SLC35E2B: variants seen among roughly 807,000 people sequenced by gnomAD.
SLC35E2B encodes solute carrier family 35, member E2B.
A neutral mutation model predicts 32.4 loss-of-function variants in SLC35E2B; 18 were observed. That is an observed-to-expected ratio of 0.56 (90% CI 0.38 to 0.82). SLC35E2B has a LOEUF of 0.82. Among genes scored for constraint, SLC35E2B ranks in the 40% least tolerant of loss-of-function variants. SLC35E2B has a pLI of 0.00. For missense variants in SLC35E2B, 263 were observed against 469.5 expected (o/e 0.56, Z 4.06); for synonymous variants, 132 against 209.1 (o/e 0.63, Z 3.18).
Position 1,685,429 on chromosome 1 carries a change from AAAAG to A in SLC35E2B, c.-148+5543_-148+5546del, listed in dbSNP as rs1415154628. On this transcript the variant is annotated intron_variant, in intron 2 of 9. Coordinates refer to ENST00000617444, the MANE Select transcript of SLC35E2B (RefSeq NM_001290264.2). ...CGTTTTCTCAGAAAAAAAAAAAAAA[AAAAG>A]AAAAGGAAAAAGAAATACAGGAAGG... Among the ~76,000 whole-genome samples the A allele has an allele frequency of 4.1e-4, 62 of 151,396 alleles. 1 individual carries two copies. Among genetic ancestry groups the A allele is most frequent in the African/African-American group, 1.5e-3 (60 of 41,216 alleles).
chr1:1,669,563 C>G, intron 8 of SLC35E2B, 101 bp downstream of exon 8: 1 of 1,274,706 alleles, frequency 7.8e-7, no homozygotes, highest in Non-Finnish European at 1.1e-6. Flanking sequence ...CTGGGCCCAA[C>G]CAGCCAGCAC....
chr1:1,670,419 A>C, intron 6 of SLC35E2B: 2 of 310,568 alleles, frequency 6.4e-6, no homozygotes, highest in Non-Finnish European at 1.2e-5. Flanking sequence ...ACCACGCCCA[A>C]CAGATTTTTT....
Position 1,664,495 on chromosome 1 carries a change from C to A in SLC35E2B, c.*1287G>T, listed in dbSNP as rs979842441. ...AAAGGCTGGCTGGCAACAGGCTGCA[C>A]CGGGCATGGGAATCCGCCAGCTGCG... On this transcript the variant is annotated 3_prime_UTR_variant, in exon 10 of 10. Coordinates refer to ENST00000617444, the MANE Select transcript of SLC35E2B (RefSeq NM_001290264.2). 2.2e-6 allele frequency: 2 copies of A among 916,024 alleles called. No individual in the cohort carries two copies. Among genetic ancestry groups the A allele is most frequent in the African/African-American group, 3.6e-5 (2 of 55,102 alleles). The allele number at this position is 916,024 out of a possible 1,614,324, so 56.7% of individuals were successfully genotyped here.
Position 1,663,423 on chromosome 1 carries a change from A to G in SLC35E2B, c.*2359T>C. On this transcript the variant is annotated 3_prime_UTR_variant, in exon 10 of 10. Transcript: ENST00000617444. ...CAAGGCCACCCTGGGAGTTGCTTTC[A>G]ATCTGTCCTCACAAATCAACAACTC... 2 of 951,764 alleles carry G rather than the reference A, an allele frequency of 2.1e-6. No individual in the cohort carries two copies. The highest frequency in any genetic ancestry group is 2.5e-6 in the Non-Finnish European group (2 of 799,552). The allele number at this position is 951,764 out of a possible 1,614,324, so 59.0% of individuals were successfully genotyped here.
At position 1,692,483 on chromosome 1, in the gene SLC35E2B, C is replaced by A. The variant is rs1246991372; in HGVS notation, c.-600G>T. 1 of 985,876 alleles carries A rather than the reference C, an allele frequency of 1.0e-6. No individual in the cohort carries two copies. Among genetic ancestry groups the A allele is most frequent in the African/African-American group, 1.8e-5 (1 of 56,698 alleles). 61.1% of individuals were successfully genotyped at this position (985,876 alleles called of 1,614,324 possible). A position where few individuals can be genotyped will look rare whatever the true frequency, so the allele number is the denominator to read the frequency against. On this transcript the variant is annotated 5_prime_UTR_variant, in exon 1 of 10. Transcript: ENST00000617444. ...GATGCAGTCTCCGCCGCAGGCATAG[C>A]GCTAGGCCCCGGCGCCTTCACAACA...
At chr1:1,679,898 C>T (rs1191885204) in intron 2 of SLC35E2B, among the ~76,000 whole-genome samples, 8 of 150,766 alleles carry the variant, frequency 5.3e-5, no homozygotes, top group Non-Finnish European at 5.9e-5. Flanking sequence ...TTTGGGAGGC[C>T]GAGGAGGGTG....
intron 2 of SLC35E2B, among the ~76,000 whole-genome samples, chr1:1,679,858 C>T (rs1364806082): frequency 6.8e-6 from 1 of 147,928 alleles, no homozygotes. Context: ...AAATGCTGGG[C>T]GCGATGGCTC....
intron 5 of SLC35E2B, among the ~76,000 whole-genome samples, chr1:1,674,639 A>C (rs1293367380): frequency 6.6e-6 from 1 of 150,574 alleles, no homozygotes; most frequent in Non-Finnish European, 1.5e-5. Flanking sequence ...AAAACAAAAA[A>C]AAAAAAACAA....
chr1:1,684,346 G>T (rs1014449110), intron 2 of SLC35E2B, among the ~76,000 whole-genome samples: 15 of 152,328 alleles, frequency 9.8e-5, no homozygotes, highest in African/African-American at 3.6e-4. Flanking sequence ...ACGGCTGTGA[G>T]CTCAGGGCAG....
rs563247433 is a variant in SLC35E2B at position 1,675,467 on chromosome 1, G to A, written c.582C>T (p.Tyr194=). The change falls in exon 5 of 10, where the codon TAC becomes TAT. Residue 194 remains tyrosine, a synonymous_variant. Coordinates refer to ENST00000617444, the MANE Select transcript of SLC35E2B (RefSeq NM_001290264.2). ...GGCGGGGCCCGGGGGCCTCACCTGTGTACTCCCCCAGAATCATCCGAGACA... is the reference window on the plus strand; with the variant it reads ...GGCGGGGCCCGGGGGCCTCACCTGTATACTCCCCCAGAATCATCCGAGACA... The part of the protein sequence containing the change: ...VIMSRMILGE[Y]TGLLVNLSLI... The A allele has an allele frequency of 2.5e-5, 40 of 1,611,472 alleles. 3 individuals are homozygous for A. In the African/African-American group the frequency reaches 5.1e-4, roughly 21 times the overall value.
intron 9 of SLC35E2B, among the ~76,000 whole-genome samples, chr1:1,667,749 A>G (rs1410166121): frequency 2.6e-5 from 4 of 152,092 alleles, no homozygotes; most frequent in Admixed American, 2.0e-4. Context: ...ACAGAAAAGC[A>G]CTCAATTTCA....
At chr1:1,669,366 A>T (rs1292006693) in intron 8 of SLC35E2B, among the ~76,000 whole-genome samples, 1 of 152,116 alleles carries the variant, frequency 6.6e-6, no homozygotes, top group Non-Finnish European at 1.5e-5. Flanking sequence ...ATAAAAATAA[A>T]AAAAAAAAGT....
At chr1:1,685,325 G>C (rs1357099660) in intron 2 of SLC35E2B, among the ~76,000 whole-genome samples, 1 of 146,196 alleles carries the variant, frequency 6.8e-6, no homozygotes, top group Admixed American at 7.0e-5. Context: ...GAGGTGGGGG[G>C]ACTGCTTGAG....
Position 1,666,142 on chromosome 1 carries a change from G to A in SLC35E2B, c.981-123C>T, listed in dbSNP as rs549797541. ...GGGTTGGGGGACTCAGCGTCACGGT[G>A]ACATCAGCCCTGCGGCCAGCAGCTC... On this transcript the variant is annotated intron_variant, in intron 9 of 9. Coordinates refer to ENST00000617444, the MANE Select transcript of SLC35E2B (RefSeq NM_001290264.2). The A allele has an allele frequency of 9.3e-6, 11 of 1,187,276 alleles. No individual in the cohort carries two copies. The East Asian group carries it at 1.6e-4, about 17-fold the overall frequency. The allele number at this position is 1,187,276 out of a possible 1,614,324, so 73.5% of individuals were successfully genotyped here.
intron 5 of SLC35E2B, among the ~76,000 whole-genome samples, chr1:1,673,819 C>T (rs1006990591): frequency 6.6e-6 from 1 of 151,356 alleles, no homozygotes; most frequent in Non-Finnish European, 1.5e-5. Context: ...AAAAATTAGA[C>T]GGACGCAGTG....
chr1:1,668,643 CTGTT>C (rs1243258958), intron 8 of SLC35E2B, among the ~76,000 whole-genome samples, 171 bp from the exon 9 acceptor site: 4 of 151,948 alleles, frequency 2.6e-5, no homozygotes, highest in African/African-American at 4.8e-5. Context: ...CATCCATTTT[CTGTT>C]TTTTTTGTTT....
chr1:1,667,857 T>G (rs1285444308), intron 9 of SLC35E2B, among the ~76,000 whole-genome samples: 1 of 138,668 alleles, frequency 7.2e-6, no homozygotes, highest in South Asian at 2.2e-4. Context: ...TGTTTTTCTG[T>G]TTTTTTTTTT....
At position 1,676,725 on chromosome 1, in the gene SLC35E2B, T is replaced by G; in HGVS notation, c.-26A>C. ...GCTGAAGCCACAGCCACGAACGATT[T>G]TACCTCCAGGCTGGGCAGCATGGGT... On this transcript the variant is annotated 5_prime_UTR_variant, in exon 3 of 10. Transcript: ENST00000617444. 8.5e-7 allele frequency: 1 copy of G among 1,178,132 alleles called. No individual in the cohort carries two copies. The highest frequency in any genetic ancestry group is 1.7e-5 in the African/African-American group (1 of 60,380). The allele number at this position is 1,178,132 out of a possible 1,614,324, so 73.0% of individuals were successfully genotyped here.
At chr1:1,688,228 C>G (rs1350855312) in intron 2 of SLC35E2B, among the ~76,000 whole-genome samples, 1 of 152,118 alleles carries the variant, frequency 6.6e-6, no homozygotes, top group African/African-American at 2.4e-5. Flanking sequence ...ATCAGAGTGA[C>G]AGAATGAGAA....
Sources: gnomAD v4.1 joint callset for allele counts (sites outside exome capture counted in the v4.1 genomes callset) on GRCh38, gnomAD v4.1.1 for gene constraint, MANE v1.5 for transcripts, NCBI Gene and HGNC (gene_info 2026-07-23, HGNC 2026-07-21) for gene names.